The following SLC2A9 variants were observed in gnomAD, a reference collection of about 807,000 sequenced individuals.
SLC2A9 encodes solute carrier family 2 member 9.
A neutral mutation model predicts 50.6 loss-of-function variants in SLC2A9; 39 were observed. That is an observed-to-expected ratio of 0.77 (90% confidence interval 0.60 to 1.01). The LOEUF is 1.01. Ranked by LOEUF, SLC2A9 falls within the 50% of genes least tolerant of loss-of-function variation. The pLI is 0.00. For synonymous variants in SLC2A9, 324 were observed against 276.9 expected, an observed-to-expected ratio of 1.17 and a Z score of -1.69; for missense variants, 686 against 677.6, an observed-to-expected ratio of 1.01 and a Z score of -0.14.
At chr4:9,796,283 C>T (rs919724131), downstream of SLC2A9, among the ~76,000 whole-genome samples, 2 of 152,190 alleles carry the variant, frequency 1.3e-5, no homozygotes, top group Non-Finnish European at 2.9e-5. Flanking sequence ...CTGACCTTAA[C>T]ATTGTCATCC....
Position 9,813,838 on chromosome 4 carries a change from GTAATCCCA to G in SLC2A9, n.420+12574_420+12581del, listed in dbSNP as rs1723194939. 2.0e-5 allele frequency among the ~76,000 whole-genome samples: 3 copies of G among 152,210 alleles called. No homozygotes were observed. In the South Asian group the frequency reaches 6.2e-4, roughly 32 times the overall value. On this transcript the variant is annotated intron_variant and non_coding_transcript_variant, in intron 3 of 3. Transcript: ENST00000503280. ...GGGCCAGGTGATGTGGCTCACACCT[GTAATCCCA>G]GCACTTTGAAAGGCTGAGGCAGGTG...
downstream of SLC2A9, among the ~76,000 whole-genome samples, chr4:9,822,019 A>T (rs1560151995): frequency 6.6e-6 from 1 of 152,210 alleles, no homozygotes; most frequent in African/African-American, 2.4e-5. Context: ...AGGCAGGGTT[A>T]TTAACAGCAT....
At chr4:9,772,727 C>A (rs1448492062) in intron 1 of SLC2A9, among the ~76,000 whole-genome samples, 2 of 152,190 alleles carry the variant, frequency 1.3e-5, no homozygotes, top group Non-Finnish European at 2.9e-5. Flanking sequence ...AAAAACTTGA[C>A]CAATACAGGG....
intron 8 of SLC2A9, among the ~76,000 whole-genome samples, chr4:9,892,424 C>T (rs1737667912): frequency 6.6e-6 from 1 of 152,188 alleles, no homozygotes; most frequent in Admixed American, 6.5e-5. Flanking sequence ...GAAGGGCAGA[C>T]TCAAGCCTTT....
At chr4:9,815,707 A>C (rs1723486754) in intron 3 of SLC2A9, among the ~76,000 whole-genome samples, 2 of 152,206 alleles carry the variant, frequency 1.3e-5, no homozygotes, top group African/African-American at 2.4e-5. Flanking sequence ...TGTGGGATTA[A>C]AAGTCAGCCA....
In SLC2A9 at chr4:9,885,603, T is replaced by C. The variant is rs1736063295; in HGVS notation, c.1291+1964A>G. 2.0e-5 allele frequency among the ~76,000 whole-genome samples: 3 copies of C among 152,242 alleles called. No homozygotes were observed. In the South Asian group the frequency reaches 6.2e-4, roughly 32 times the overall value. On this transcript the variant is annotated intron_variant, in intron 10 of 11. Coordinates refer to ENST00000264784, the MANE Select transcript of SLC2A9 (RefSeq NM_020041.3). The stretch of plus-strand genomic sequence containing the variant: ...CCTGCCAGCCTTTGCTCAGTTATTT[T>C]ATTCCCTCTCTAACAAGTACTTGTG...
intron 11 of SLC2A9, among the ~76,000 whole-genome samples, chr4:9,828,699 T>C (rs1285318077): frequency 2.0e-5 from 3 of 152,200 alleles, no homozygotes; most frequent in Middle Eastern, 3.2e-3. Context: ...GACTTAAAGG[T>C]CATTTTCTCA....
intron 10 of SLC2A9, among the ~76,000 whole-genome samples, chr4:9,880,982 C>A (rs1735102278): frequency 6.6e-6 from 1 of 152,182 alleles, no homozygotes. Context: ...AACCGCAAAT[C>A]CTTAGTGCAA....
At chr4:9,892,202 C>T (rs180981171) in intron 8 of SLC2A9, among the ~76,000 whole-genome samples, 6 of 152,236 alleles carry the variant, frequency 3.9e-5, no homozygotes, top group Admixed American at 2.6e-4. Flanking sequence ...AAGGGCATAG[C>T]CCTGTGGGTC....
chr4:9,980,785 G>A lies in SLC2A9; in HGVS notation c.536-48C>T, dbSNP rs747295369. On this transcript the variant is annotated intron_variant, in intron 4 of 11. Coordinates refer to ENST00000264784, the MANE Select transcript of SLC2A9 (RefSeq NM_020041.3). ...CAGTTAGAGAGGTGTCTTCCCGGGGGAGCTGCACTCTGGTTACAATGCCTC... is the reference window on the plus strand; with the variant it reads ...CAGTTAGAGAGGTGTCTTCCCGGGGAAGCTGCACTCTGGTTACAATGCCTC... The A allele has an allele frequency of 1.3e-5, 21 of 1,613,342 alleles. No individual in the cohort carries two copies. In the Admixed American group the frequency reaches 3.5e-4, roughly 27 times the overall value.
intron 6 of SLC2A9, among the ~76,000 whole-genome samples, chr4:9,923,593 CAGAG>C: frequency 6.6e-6 from 1 of 152,188 alleles, no homozygotes; most frequent in Non-Finnish European, 1.5e-5. Context: ...CGCTTGTGCC[CAGAG>C]AGAGAAAGAG....
chr4:9,892,751 G>C (rs1737755237), intron 8 of SLC2A9, among the ~76,000 whole-genome samples: 1 of 152,178 alleles, frequency 6.6e-6, no homozygotes, highest in South Asian at 2.1e-4. Flanking sequence ...GGAGTGCCCT[G>C]GGGATCTGGT....
intron 3 of SLC2A9, among the ~76,000 whole-genome samples, chr4:9,994,159 G>T (rs895718628): frequency 6.6e-6 from 1 of 152,218 alleles, no homozygotes; most frequent in Non-Finnish European, 1.5e-5. Flanking sequence ...AACACATGCA[G>T]ATCTGAACTT....
chr4:9,865,473 A>T (rs576580040), intron 10 of SLC2A9, among the ~76,000 whole-genome samples: 1 of 152,360 alleles, frequency 6.6e-6, no homozygotes, highest in African/African-American at 2.4e-5. Context: ...TAGAACTCTG[A>T]ATTTATAATT....
At chr4:9,914,552 A>G (rs1458105217) in intron 7 of SLC2A9, among the ~76,000 whole-genome samples, 3 of 152,166 alleles carry the variant, frequency 2.0e-5, no homozygotes, top group Non-Finnish European at 4.4e-5. Flanking sequence ...CTGGCCTTGA[A>G]GGGTTAGCTG....
intron 8 of SLC2A9, among the ~76,000 whole-genome samples, chr4:9,904,581 G>A (rs1356834925): frequency 6.6e-6 from 1 of 152,188 alleles, no homozygotes; most frequent in Non-Finnish European, 1.5e-5. Context: ...CAGCTTCTGG[G>A]AATCATGGTG....
rs571089462 is a variant in SLC2A9 at position 10,017,137 on chromosome 4, T to G, written c.249+1838A>C. ...GGCTGTCTTCCCTGATCCCCAGAGT[T>G]GGATACATTATAAACTCTCAACAAT... is the stretch of plus-strand genomic sequence containing the variant. On this transcript the variant is annotated intron_variant, in intron 2 of 11. Transcript: ENST00000264784. 2.6e-5 allele frequency among the ~76,000 whole-genome samples: 4 copies of G among 152,354 alleles called. No homozygotes were observed. In the East Asian group the frequency reaches 7.7e-4, roughly 29 times the overall value.
At chr4:9,799,658 G>C (rs1223674959) in intron 3 of SLC2A9, among the ~76,000 whole-genome samples, 2 of 148,182 alleles carry the variant, frequency 1.3e-5, no homozygotes, top group African/African-American at 5.0e-5. Flanking sequence ...AAATGACTCT[G>C]CAAGTGCAGC....
chr4:9,842,077 C>T (rs1452556238), intron 10 of SLC2A9, among the ~76,000 whole-genome samples: 2 of 152,060 alleles, frequency 1.3e-5, no homozygotes, highest in Non-Finnish European at 2.9e-5. Flanking sequence ...TGTTTGGTTA[C>T]TGCTGGCCAT....
Sources: allele counts gnomAD v4.1 joint callset (sites outside exome capture counted in the v4.1 genomes callset), GRCh38; gene constraint gnomAD v4.1.1; transcripts MANE v1.5; gene names NCBI Gene and HGNC (gene_info 2026-07-23, HGNC 2026-07-21).